WNK3: variants seen among roughly 807,000 people sequenced by gnomAD.
WNK3 encodes the protein WNK lysine deficient protein kinase 3.
A neutral mutation model predicts 116.7 loss-of-function variants in WNK3; 18 were observed. The observed-to-expected ratio is 0.15, with a 90% CI of 0.11 to 0.23. The LOEUF (loss-of-function observed/expected upper bound fraction) is 0.23, where lower values mean the gene tolerates loss of function less well. Ranked by LOEUF, WNK3 falls within the 10% of genes least tolerant of loss-of-function variation. The probability of loss-of-function intolerance (pLI) is 1.00; values close to 1 mark genes in which losing one functional copy is unlikely to be tolerated. For synonymous variants in WNK3, 404 were observed against 469.4 expected, an observed-to-expected ratio of 0.86 and a Z score of 1.80; for missense variants, 993 against 1,323.8, an observed-to-expected ratio of 0.75 and a Z score of 3.88.
At chrX:54,201,912 T>C (rs2067504413) in intron 23 of WNK3, 79 bp downstream of exon 23, 3 of 851,183 alleles carry the variant, frequency 3.5e-6, no homozygotes, top group Non-Finnish European at 5.1e-6. Flanking sequence ...TCATAGTGAC[T>C]GTAACTATAG....
chrX:54,339,380 T>C (rs2069288671), intron 1 of WNK3, among the ~76,000 whole-genome samples: 1 of 110,181 alleles, frequency 9.1e-6, no homozygotes, highest in Admixed American at 9.8e-5. Context: ...AATAGCAAAA[T>C]AGACATTCTT....
chrX:54,316,259 C>A (rs1216151578), intron 2 of WNK3, among the ~76,000 whole-genome samples: 1 of 110,693 alleles, frequency 9.0e-6, no homozygotes, highest in African/African-American at 3.3e-5. Context: ...ATAACAGAGG[C>A]CGGGTGCAGT....
chrX:54,271,342 AT>A (rs1294953739), intron 10 of WNK3, among the ~76,000 whole-genome samples: 3 of 110,695 alleles, frequency 2.7e-5, no homozygotes, highest in African/African-American at 3.3e-5. Flanking sequence ...CTGTAAACTG[AT>A]TTTTTTTTAA....
chrX:54,279,812 T>C (rs1302663105), intron 10 of WNK3, among the ~76,000 whole-genome samples: 1 of 111,773 alleles, frequency 8.9e-6, no homozygotes, highest in Non-Finnish European at 1.9e-5. Flanking sequence ...CTGTACACTA[T>C]AAATATATGC....
At chrX:54,335,997 T>G (rs1001418514) in intron 1 of WNK3, among the ~76,000 whole-genome samples, 1 of 112,380 alleles carries the variant, frequency 8.9e-6, no homozygotes, top group Non-Finnish European at 1.9e-5. Context: ...TAATTGATTT[T>G]CAACAAGAAT....
intron 10 of WNK3, among the ~76,000 whole-genome samples, chrX:54,263,745 G>A (rs1204147363): frequency 1.8e-5 from 2 of 111,353 alleles, no homozygotes; most frequent in African/African-American, 6.5e-5. Flanking sequence ...TATATACCTG[G>A]TTAACAGTGG....
chrX:54,215,392 C>T (rs2067676616), intron 22 of WNK3, among the ~76,000 whole-genome samples: 1 of 112,412 alleles, frequency 8.9e-6, no homozygotes, highest in Non-Finnish European at 1.9e-5. Flanking sequence ...GGTTTCCCCG[C>T]GTTGGCCGGG....
At chrX:54,288,216 A>G (rs1557164322) in intron 10 of WNK3, among the ~76,000 whole-genome samples, 2 of 111,326 alleles carry the variant, frequency 1.8e-5, no homozygotes, top group African/African-American at 6.5e-5. Flanking sequence ...AGGCTGCTCT[A>G]AAGGCTGTAT....
At chrX:54,222,688 C>G (rs1438706563) in intron 22 of WNK3, among the ~76,000 whole-genome samples, 1 of 107,968 alleles carries the variant, frequency 9.3e-6, no homozygotes, top group Non-Finnish European at 1.9e-5. Context: ...GCCAACCTGG[C>G]CGATGTGGCA....
At chrX:54,253,742 T>C (rs1210943261) in intron 13 of WNK3, among the ~76,000 whole-genome samples, 1 of 111,885 alleles carries the variant, frequency 8.9e-6, no homozygotes, top group African/African-American at 3.2e-5. Context: ...AGCTATATTA[T>C]CTCTAAATGA....
chrX:54,214,992 C>T (rs2067667291), intron 22 of WNK3, among the ~76,000 whole-genome samples: 1 of 107,968 alleles, frequency 9.3e-6, no homozygotes, highest in Admixed American at 9.9e-5. Flanking sequence ...TGGCGGGTGC[C>T]TATAGTCCCA....
chrX:54,325,536 G>A (rs782418317), intron 2 of WNK3, among the ~76,000 whole-genome samples: 45 of 107,745 alleles, frequency 4.2e-4, no homozygotes, highest in Non-Finnish European at 5.2e-4. Context: ...AAAATTAGCT[G>A]GGCATGGTAG....
chrX:54,321,187 G>A (rs905635592), intron 2 of WNK3, among the ~76,000 whole-genome samples: 3 of 111,730 alleles, frequency 2.7e-5, no homozygotes, highest in Non-Finnish European at 5.6e-5. Flanking sequence ...GTGAGCTACC[G>A]CCCCCAGCCA....
chrX:54,258,148 C>T (rs2146964271), intron 11 of WNK3, among the ~76,000 whole-genome samples: 1 of 105,047 alleles, frequency 9.5e-6, no homozygotes, highest in African/African-American at 3.5e-5. Context: ...CGTGGTGGTG[C>T]GAGCCTGTAA....
chrX:54,338,845 T>TA (rs1291093939), intron 1 of WNK3, among the ~76,000 whole-genome samples: 1 of 108,166 alleles, frequency 9.2e-6, no homozygotes, highest in Non-Finnish European at 1.9e-5. Flanking sequence ...ATATTAAAAA[T>TA]ACAAAAATTA....
At chrX:54,269,808 A>G (rs1295377661) in intron 10 of WNK3, among the ~76,000 whole-genome samples, 3 of 110,794 alleles carry the variant, frequency 2.7e-5, no homozygotes, top group Admixed American at 9.7e-5. Context: ...GAAGTGTTCT[A>G]TATCTTCATT....
chrX:54,198,293 A>G (rs782150220), exon 24 of WNK3: 7 of 1,087,716 alleles, frequency 6.4e-6, no homozygotes, highest in Non-Finnish European at 8.5e-6. Flanking sequence ...ATTCTGAAAA[A>G]ACCTCCCTTT....
chrX:54,265,474 G>A (rs1370302553), intron 10 of WNK3, among the ~76,000 whole-genome samples: 3 of 110,893 alleles, frequency 2.7e-5, no homozygotes, highest in South Asian at 7.8e-4. Context: ...GTGACAGAGC[G>A]AGACTCCGTC....
intron 10 of WNK3, among the ~76,000 whole-genome samples, chrX:54,270,530 A>G (rs1557159019): frequency 9.3e-6 from 1 of 107,266 alleles, no homozygotes; most frequent in Non-Finnish European, 1.9e-5. Context: ...CACCCTCCCA[A>G]GTAGCTGGGA....
Sources: allele counts gnomAD v4.1 joint callset (sites outside exome capture counted in the v4.1 genomes callset), GRCh38; gene constraint gnomAD v4.1.1; transcripts MANE v1.5; gene names NCBI Gene and HGNC (gene_info 2026-07-23, HGNC 2026-07-21).